APOO: variants seen among roughly 807,000 people sequenced by gnomAD.
APOO encodes MICOS complex subunit MIC26.
APOO carries 11 observed loss-of-function variants against 23.1 expected under a neutral mutation model. That is an observed-to-expected ratio of 0.48 (90% CI 0.30 to 0.79). APOO has a LOEUF of 0.79. Ranked by LOEUF, APOO falls within the 30% of genes least tolerant of loss-of-function variation. APOO has a pLI of 0.07. For synonymous variants in APOO, 59 were observed against 54.8 expected, an observed-to-expected ratio of 1.08 and a Z score of -0.34; for missense variants, 160 against 142.7, an observed-to-expected ratio of 1.12 and a Z score of -0.62.
At chrX:23,856,928 T>C in intron 6 of APOO, among the ~76,000 whole-genome samples, 1 of 112,666 alleles carries the variant, frequency 8.9e-6, no homozygotes, top group Non-Finnish European at 1.9e-5. Flanking sequence ...AATGAGCTCA[T>C]GTCCTTTGCA....
rs1279527028 is a variant in APOO, at chrX:23,854,499, G to A, written c.561+1803C>T. On this transcript the variant is annotated intron_variant, in intron 7 of 8. Coordinates refer to ENST00000379226, the MANE Select transcript of APOO (RefSeq NM_024122.5). ...TACTTCCTTTCCCATATAAAATTTA[G>A]TGTGCATTTGTTTTTTTGCTTGTTT... Among the ~76,000 whole-genome samples the A allele has an allele frequency of 3.6e-5, 4 of 111,737 alleles. No individual in the cohort carries two copies. In the Admixed American group the frequency reaches 3.8e-4, roughly 11 times the overall value.
At chrX:23,834,482 T>G (rs1923561295) in intron 8 of APOO, among the ~76,000 whole-genome samples, 1 of 108,407 alleles carries the variant, frequency 9.2e-6, no homozygotes, top group Non-Finnish European at 1.9e-5. Context: ...TGTATCTGAG[T>G]GTAATTAACC....
At chrX:23,907,012 ATT>A (rs1295029993) in intron 1 of APOO, among the ~76,000 whole-genome samples, 1 of 112,587 alleles carries the variant, frequency 8.9e-6, no homozygotes, top group Non-Finnish European at 1.9e-5. Flanking sequence ...GTAGCCTGTG[ATT>A]TTTTATGACA....
intron 1 of APOO, among the ~76,000 whole-genome samples, chrX:23,892,782 A>T (rs1260977498): frequency 3.7e-5 from 4 of 106,835 alleles, no homozygotes; most frequent in Non-Finnish European, 7.7e-5. Flanking sequence ...AAAAAAAAAA[A>T]GTGCTGGGAT....
At chrX:23,905,556 T>G (rs1393375557) in intron 1 of APOO, among the ~76,000 whole-genome samples, 1 of 110,695 alleles carries the variant, frequency 9.0e-6, no homozygotes, top group East Asian at 2.8e-4. Context: ...AAAACTAAAT[T>G]TAAGTGTCCC....
intron 1 of APOO, among the ~76,000 whole-genome samples, chrX:23,893,246 T>C (rs778833685): frequency 2.5e-4 from 25 of 101,088 alleles, no homozygotes; most frequent in Non-Finnish European, 4.8e-4. Flanking sequence ...TGAAACCCCA[T>C]CTCTACTAAA....
intron 4 of APOO, among the ~76,000 whole-genome samples, chrX:23,871,236 G>A (rs1399101420): frequency 1.0e-4 from 11 of 105,422 alleles, no homozygotes; most frequent in Admixed American, 3.1e-4. Context: ...GGTGGCAGGC[G>A]CCTGTAGTCC....
intron 8 of APOO, chrX:23,836,809 T>C: frequency 9.5e-7 from 1 of 1,050,159 alleles, no homozygotes; most frequent in Non-Finnish European, 1.3e-6. Context: ...TTTCCTGATA[T>C]CCTTGTTTTT....
intron 1 of APOO, among the ~76,000 whole-genome samples, chrX:23,902,490 T>TA (rs1186582079): frequency 1.8e-5 from 2 of 111,299 alleles, no homozygotes; most frequent in Non-Finnish European, 3.8e-5. Context: ...TGGACTAGGA[T>TA]AAAATCTGTG....
At chrX:23,866,814 AT>A (rs1925357206) in intron 5 of APOO, among the ~76,000 whole-genome samples, 1 of 107,419 alleles carries the variant, frequency 9.3e-6, no homozygotes, top group South Asian at 4.2e-4. Context: ...TAAAAAAAAA[AT>A]AAGGCCAGGT....
rs1275329087 is a variant in APOO at position 23,874,404 on chromosome X, T to G, written c.291A>C (p.Leu97Phe). The G allele has an allele frequency of 2.5e-6, 3 of 1,207,399 alleles. No homozygotes were observed. In the Admixed American group the frequency reaches 6.6e-5, roughly 26 times the overall value. ...PKMQSLVQWGLDSYDYLQNAP... is the reference protein window; with the variant it reads ...PKMQSLVQWGFDSYDYLQNAP... ...ATGCCTAATTTAAAATCAACTTACC[T>G]AACCCCCATTGAACCAAACTTTGCA... Residue 97 changes from leucine to phenylalanine, a missense_variant and splice_region_variant, in exon 4 of 9, where the codon TTA (leucine) becomes TTC (phenylalanine). Coordinates refer to ENST00000379226, the MANE Select transcript of APOO (RefSeq NM_024122.5).
intron 1 of APOO, among the ~76,000 whole-genome samples, chrX:23,891,966 A>G (rs1445721861): frequency 3.4e-5 from 2 of 59,486 alleles, no homozygotes; most frequent in Non-Finnish European, 6.0e-5. Context: ...GTATGACATT[A>G]TGCTTTCAAC....
chrX:23,885,195 T>A (rs1269168950), intron 1 of APOO, among the ~76,000 whole-genome samples: 2 of 107,475 alleles, frequency 1.9e-5, no homozygotes, highest in Non-Finnish European at 3.8e-5. Context: ...GGTCGGGAGT[T>A]CGACACCAGC....
chrX:23,889,911 T>C (rs1926572412), intron 1 of APOO, among the ~76,000 whole-genome samples: 1 of 110,221 alleles, frequency 9.1e-6, no homozygotes, highest in Non-Finnish European at 1.9e-5. Context: ...TCCGCCCACC[T>C]CGGCCTCCCA....
At chrX:23,866,128 C>T (rs1386733709) in intron 5 of APOO, among the ~76,000 whole-genome samples, 1 of 111,156 alleles carries the variant, frequency 9.0e-6, no homozygotes, top group Admixed American at 9.7e-5. Flanking sequence ...GATTTTCCCA[C>T]ATGCTCTAAC....
chrX:23,906,092 G>A (rs1156477172), intron 1 of APOO, among the ~76,000 whole-genome samples: 1 of 112,577 alleles, frequency 8.9e-6, no homozygotes, highest in Non-Finnish European at 1.9e-5. Context: ...CTGTGTTTGT[G>A]CCTTGGGACT....
intron 7 of APOO, among the ~76,000 whole-genome samples, chrX:23,844,110 A>G (rs1280245419): frequency 8.9e-6 from 1 of 111,844 alleles, no homozygotes; most frequent in Non-Finnish European, 1.9e-5. Context: ...TAATAATAGA[A>G]CCCACCTCAA....
chrX:23,865,395 G>A (rs1326794231), intron 5 of APOO, among the ~76,000 whole-genome samples: 1 of 110,601 alleles, frequency 9.0e-6, no homozygotes, highest in Non-Finnish European at 1.9e-5. Flanking sequence ...CTTGAGGTCA[G>A]GAGTTCGAGA....
At chrX:23,884,510 A>T (rs1350328859) in intron 1 of APOO, among the ~76,000 whole-genome samples, 18 of 112,204 alleles carry the variant, frequency 1.6e-4, no homozygotes. Context: ...GTTTTGAAAT[A>T]TGTGTACATT....
Sources: allele counts gnomAD v4.1 joint callset (sites outside exome capture counted in the v4.1 genomes callset), GRCh38; gene constraint gnomAD v4.1.1; transcripts MANE v1.5; gene names NCBI Gene and HGNC (gene_info 2026-07-23, HGNC 2026-07-21).